Variants in EPHA10 observed in about 807,000 individuals in gnomAD.
The protein encoded by EPHA10 is EPH receptor A10.
EPHA10 carries 120 observed loss-of-function variants against 109.7 expected under a neutral mutation model. That is an observed-to-expected ratio of 1.09 (90% CI 0.94 to 1.27). EPHA10 has a LOEUF of 1.27. Ranked by LOEUF, EPHA10 falls within the 50% of genes most tolerant of loss-of-function variation. The pLI is 0.00. For missense variants in EPHA10, 1,396 were observed against 1,411.1 expected, an observed-to-expected ratio of 0.99 and a Z score of 0.17; for synonymous variants, 640 against 618.9, an observed-to-expected ratio of 1.03 and a Z score of -0.51.
chr1:37,721,616 C>A, intron 11 of EPHA10, 44 bp downstream of exon 11: 2 of 1,558,520 alleles, frequency 1.3e-6, no homozygotes, highest in Non-Finnish European at 1.7e-6. Context: ...TTCCACCCCC[C>A]ATACCCGTGG....
intron 7 of EPHA10, among the ~76,000 whole-genome samples, chr1:37,728,536 A>T (rs1399970968): frequency 2.0e-5 from 3 of 152,140 alleles, no homozygotes; most frequent in African/African-American, 4.8e-5. Flanking sequence ...CACAGGGAGG[A>T]GAAAGGTCCA....
chr1:37,727,279 C>T, intron 7 of EPHA10, 69 bp from the exon 8 acceptor site: 1 of 1,238,164 alleles, frequency 8.1e-7, no homozygotes, highest in South Asian at 1.5e-5. Flanking sequence ...AGGGCAGACT[C>T]CTGTCCTCAC....
chr1:37,760,238 T>C (rs569767911), intron 3 of EPHA10: 278 of 1,013,160 alleles, frequency 2.7e-4, no homozygotes, highest in South Asian at 3.7e-4. Context: ...GTCTGACTCA[T>C]TTCTGTTGCC....
chr1:37,736,335 G>A (rs1390741210), intron 5 of EPHA10, among the ~76,000 whole-genome samples: 1 of 152,144 alleles, frequency 6.6e-6, no homozygotes, highest in African/African-American at 2.4e-5. Context: ...AAATTAGCCA[G>A]GCATGGTGGT....
intron 5 of EPHA10, among the ~76,000 whole-genome samples, chr1:37,751,513 G>T (rs1264014131): frequency 6.7e-6 from 1 of 149,016 alleles, no homozygotes; most frequent in Non-Finnish European, 1.5e-5. Context: ...AGGTTGCCAT[G>T]AACTGTGATC....
rs1320704075 is a variant in EPHA10, at chr1:37,764,926, G to T, written c.106+35C>A. 2 of 1,562,210 alleles carry T rather than the reference G, an allele frequency of 1.3e-6. No homozygotes were observed. The highest frequency in any genetic ancestry group is 1.2e-5 in the South Asian group (1 of 85,748). On this transcript the variant is annotated intron_variant, in intron 1 of 16. Transcript: ENST00000373048. The surrounding 1 kb of genome is among the most constrained non-coding windows in gnomAD (Gnocchi z 5.8). ...TCGCCAGCCCCCTATCTTTTGGTAT[G>T]CCACGCTCCGAGCAGAGCTCACCAG...
intron 5 of EPHA10, among the ~76,000 whole-genome samples, chr1:37,743,948 C>T (rs375804793): frequency 6.6e-5 from 10 of 152,202 alleles, no homozygotes; most frequent in African/African-American, 2.4e-4. Context: ...TAAAATAGTG[C>T]ACATTGTTTT....
chr1:37,729,165 G>C (rs1291653379), intron 7 of EPHA10, among the ~76,000 whole-genome samples: 2 of 152,146 alleles, frequency 1.3e-5, no homozygotes, highest in Non-Finnish European at 2.9e-5. Context: ...GCATGCCTCA[G>C]CAGCAGCCAG....
At chr1:37,721,621 C>T in intron 11 of EPHA10, 39 bp downstream of exon 11, 1 of 1,567,664 alleles carries the variant, frequency 6.4e-7, no homozygotes, top group Non-Finnish European at 8.7e-7. Context: ...CCCCCCATAC[C>T]CGTGGGCTGG....
chr1:37,727,307 A>T, intron 7 of EPHA10, 97 bp from the exon 8 acceptor site: 8 of 980,316 alleles, frequency 8.2e-6, no homozygotes, highest in Non-Finnish European at 1.2e-5. Context: ...CAGGATTCCC[A>T]TAGCACCTCT....
intron 5 of EPHA10, among the ~76,000 whole-genome samples, chr1:37,740,953 G>T (rs1646144065): frequency 6.6e-6 from 1 of 152,164 alleles, no homozygotes; most frequent in Admixed American, 6.6e-5. Flanking sequence ...TAAGAAACAG[G>T]CAAAGGAAGA....
At position 37,716,320 on chromosome 1, in the gene EPHA10, G is replaced by C. The variant is rs1190676106; in HGVS notation, c.*2052C>G. 1.6e-5 allele frequency: 4 copies of C among 249,036 alleles called. No homozygotes were observed. Among genetic ancestry groups the C allele is most frequent in the African/African-American group, 2.2e-5 (1 of 45,460 alleles). The allele number at this position is 249,036 out of a possible 1,614,324, so 15.4% of individuals were successfully genotyped here. On this transcript the variant is annotated 3_prime_UTR_variant, in exon 17 of 17. Transcript: ENST00000373048. ...TCTGCAGAAACAGCTGGGGTAGGGGGAGGAGATTTTGCCCTGCAGAGAATG... is the reference window on the plus strand; with the variant it reads ...TCTGCAGAAACAGCTGGGGTAGGGGCAGGAGATTTTGCCCTGCAGAGAATG...
intron 13 of EPHA10, 125 bp downstream of exon 13, chr1:37,720,226 G>C (rs778199390): frequency 2.2e-6 from 3 of 1,393,116 alleles, no homozygotes; most frequent in East Asian, 2.5e-5. Context: ...GGGTTCACTC[G>C]CATTTATGCC....
At chr1:37,755,345 CCCTCCCA>C (rs1029015207) in intron 3 of EPHA10, among the ~76,000 whole-genome samples, 3 of 131,008 alleles carry the variant, frequency 2.3e-5, no homozygotes, top group African/African-American at 8.4e-5. Flanking sequence ...CACACACACA[CCCTCCCA>C]CCACCACCAT....
intron 7 of EPHA10, among the ~76,000 whole-genome samples, chr1:37,728,881 G>A (rs1281839796): frequency 6.6e-6 from 1 of 152,148 alleles, no homozygotes; most frequent in Non-Finnish European, 1.5e-5. Context: ...TTGAAATGAG[G>A]CAACCATGTG....
At chr1:37,757,705 A>G (rs887650911) in intron 3 of EPHA10, among the ~76,000 whole-genome samples, 2 of 149,442 alleles carry the variant, frequency 1.3e-5, no homozygotes, top group Admixed American at 6.7e-5. Context: ...TCCCAGAGAA[A>G]CCTCCTCCTC....
intron 3 of EPHA10, among the ~76,000 whole-genome samples, chr1:37,758,251 TC>T (rs1013670520): frequency 8.6e-5 from 13 of 152,002 alleles, no homozygotes; most frequent in African/African-American, 1.5e-4. Context: ...GGGATGGGGA[TC>T]CCCCCCATAT....
intron 3 of EPHA10, among the ~76,000 whole-genome samples, chr1:37,757,570 AT>A (rs1345804978): frequency 6.6e-6 from 1 of 152,034 alleles, no homozygotes; most frequent in African/African-American, 2.4e-5. Context: ...TTTCCTTGGC[AT>A]TGTCCCCAGC....
rs1001273961 is a variant in EPHA10, at chr1:37,717,425, G to A, written c.*947C>T. 8.6e-6 allele frequency: 2 copies of A among 232,090 alleles called. No homozygotes were observed. The highest frequency in any genetic ancestry group is 1.7e-5 in the Non-Finnish European group (2 of 117,518). 14.4% of individuals were successfully genotyped at this position (232,090 alleles called of 1,614,324 possible). A position where few individuals can be genotyped will look rare whatever the true frequency, so the allele number is the denominator to read the frequency against. Reference sequence around the variant, plus strand: ...TGGATTGGGTTCTGACCTCAGCTCTGCTCCTGACTCCTCACTTGGCCTCAG... The same window carrying A: ...TGGATTGGGTTCTGACCTCAGCTCTACTCCTGACTCCTCACTTGGCCTCAG... On this transcript the variant is annotated 3_prime_UTR_variant, in exon 17 of 17. Coordinates refer to ENST00000373048, the MANE Select transcript of EPHA10 (RefSeq NM_001099439.2).
Sources: allele counts gnomAD v4.1 joint callset (sites outside exome capture counted in the v4.1 genomes callset), GRCh38; gene constraint gnomAD v4.1.1; non-coding constraint Gnocchi (gnomAD v3.1); transcripts MANE v1.5; gene names NCBI Gene and HGNC (gene_info 2026-07-23, HGNC 2026-07-21).